The following CFAP77 variants were observed in gnomAD, a reference collection of about 807,000 sequenced individuals.
CFAP77 encodes cilia- and flagella-associated protein 77.
CFAP77 carries 25 observed loss-of-function variants against 31.1 expected under a neutral mutation model. The observed-to-expected ratio is 0.80, with a 90% CI of 0.59 to 1.12. The LOEUF is 1.12. Ranked by LOEUF, CFAP77 falls within the 50% of genes most tolerant of loss-of-function variation. The pLI, the probability that CFAP77 is intolerant of heterozygous loss-of-function variation, is 0.00. For synonymous variants in CFAP77, 151 were observed against 159.9 expected (o/e 0.94, Z 0.42); for missense variants, 377 against 397.3 (o/e 0.95, Z 0.44).
chr9:132,468,603 T>C (rs1397159208), intron 1 of CFAP77, among the ~76,000 whole-genome samples: 1 of 152,208 alleles, frequency 6.6e-6, no homozygotes, highest in African/African-American at 2.4e-5. Flanking sequence ...CCACAGCCCT[T>C]GCCCTGCATT....
At position 132,498,879 on chromosome 9, in the gene CFAP77, G is replaced by A. The variant is rs541772172; in HGVS notation, c.295+85G>A. On this transcript the variant is annotated intron_variant, in intron 2 of 5. Coordinates refer to ENST00000393216, the MANE Select transcript of CFAP77 (RefSeq NM_001282957.2). This position sits in a 1 kb window ranked among gnomAD's most constrained non-coding sequence, Gnocchi z 4.2. ...CACAGACCCCTTGACCTAGCTCGCT[G>A]CTTGGCAGCTGGTTGGGTGCTGGAG... 7.6e-5 allele frequency: 73 copies of A among 966,644 alleles called. No homozygotes were observed. In the East Asian group the frequency reaches 1.5e-3, roughly 20 times the overall value. The allele number at this position is 966,644 out of a possible 1,614,324, so 59.9% of individuals were successfully genotyped here. A position where few individuals can be genotyped will look rare whatever the true frequency, so the allele number is the denominator to read the frequency against.
chr9:132,451,135 A>C (rs1437714261), intron 1 of CFAP77, among the ~76,000 whole-genome samples: 1 of 152,048 alleles, frequency 6.6e-6, no homozygotes, highest in East Asian at 1.9e-4. Context: ...TCAGGAGTTC[A>C]AGACCAGCCT....
intron 4 of CFAP77, 32 bp from the exon 5 acceptor site, chr9:132,542,914 C>T (rs1852669750): frequency 1.9e-6 from 3 of 1,556,644 alleles, no homozygotes; most frequent in Non-Finnish European, 1.8e-6. Flanking sequence ...AGCCGGGCAA[C>T]CATCTCACCT....
At chr9:132,519,342 G>GAAT in intron 3 of CFAP77, among the ~76,000 whole-genome samples, 1 of 149,706 alleles carries the variant, frequency 6.7e-6, no homozygotes, top group African/African-American at 2.5e-5. Context: ...ATGGATGGGT[G>GAAT]GGTGGGCAAG....
intron 3 of CFAP77, among the ~76,000 whole-genome samples, chr9:132,529,734 G>A (rs531909038): frequency 2.0e-5 from 3 of 151,540 alleles, no homozygotes; most frequent in South Asian, 4.2e-4. Context: ...GCTGACACAG[G>A]AGAGTTGCTT....
intron 1 of CFAP77, among the ~76,000 whole-genome samples, chr9:132,457,332 T>A (rs1029726405): frequency 3.3e-5 from 5 of 152,200 alleles, no homozygotes; most frequent in Admixed American, 2.6e-4. Flanking sequence ...GGAGAAAGGA[T>A]TAAAATCGAG....
rs143955391 is a variant in CFAP77, at chr9:132,513,645, C to T, written c.524+14045C>T. Among the ~76,000 whole-genome samples the T allele has an allele frequency of 5.9e-5, 9 of 152,328 alleles. No individual in the cohort carries two copies. The East Asian group carries it at 1.5e-3, about 26-fold the overall frequency. On this transcript the variant is annotated intron_variant, in intron 3 of 5. Coordinates refer to ENST00000393216, the MANE Select transcript of CFAP77 (RefSeq NM_001282957.2). ...CATCACCCTGTCCCACTGTCTGAAT[C>T]GTCCGCCACAGGTGTACCCATCTCT...
intron 5 of CFAP77, 133 bp downstream of exon 5, chr9:132,543,180 CG>C: frequency 1.4e-6 from 1 of 695,572 alleles, no homozygotes; most frequent in East Asian, 2.7e-5. Context: ...CAGCAGCAAT[CG>C]CAACAGCTAA....
In CFAP77 at chr9:132,552,899, T is replaced by C. The variant is rs550345818; in HGVS notation, c.732+9852T>C. ...TTCATATGTTTGACATGAGGCATGATGGGGCTTTCAAAGGGAAATGTGCAG... is the reference window on the plus strand; with the variant it reads ...TTCATATGTTTGACATGAGGCATGACGGGGCTTTCAAAGGGAAATGTGCAG... On this transcript the variant is annotated intron_variant, in intron 5 of 5. Coordinates refer to ENST00000393216, the MANE Select transcript of CFAP77 (RefSeq NM_001282957.2). This position sits in a 1 kb window ranked among gnomAD's most constrained non-coding sequence, Gnocchi z 5.5. 9.2e-5 allele frequency among the ~76,000 whole-genome samples: 14 copies of C among 152,268 alleles called. No individual in the cohort carries two copies. The highest frequency in any genetic ancestry group is 8.3e-4 in the South Asian group (4 of 4,822).
At chr9:132,457,246 T>G (rs1850934086) in intron 1 of CFAP77, among the ~76,000 whole-genome samples, 1 of 127,334 alleles carries the variant, frequency 7.9e-6, no homozygotes, top group Non-Finnish European at 1.6e-5. Flanking sequence ...CTCCCACGCA[T>G]GCCCGCCACA....
intron 3 of CFAP77, among the ~76,000 whole-genome samples, chr9:132,533,468 C>CTCTTCCAGCTGCGTCCTGG (rs1852493325): frequency 6.8e-6 from 1 of 147,226 alleles, no homozygotes; most frequent in African/African-American, 2.7e-5. Context: ...GGGCTCTAGC[C>CTCTTCCAGCTGCGTCCTGG]GAGGACGCTT....
intron 3 of CFAP77, among the ~76,000 whole-genome samples, chr9:132,507,982 T>C (rs1367771483): frequency 6.6e-6 from 1 of 152,242 alleles, no homozygotes; most frequent in African/African-American, 2.4e-5. Context: ...AATACTCCTC[T>C]GCTGTATGTC....
intron 5 of CFAP77, among the ~76,000 whole-genome samples, chr9:132,560,971 C>T (rs1201418149): frequency 6.6e-6 from 1 of 152,124 alleles, no homozygotes; most frequent in East Asian, 1.9e-4. Flanking sequence ...TATTTTTGGA[C>T]CACAGAGAAA....
rs1851438861 is a variant in CFAP77, at chr9:132,481,103, T to C, written c.196-17592T>C. Among the ~76,000 whole-genome samples, 1 of 152,168 alleles carries C rather than the reference T, an allele frequency of 6.6e-6. No homozygotes were observed. The highest frequency in any genetic ancestry group is 2.4e-5 in the African/African-American group (1 of 41,436). ...TTTTAGCCATTTAGAGCCCACCTGC[T>C]TTGCACACCCACAAAGCCACACTCG... On this transcript the variant is annotated intron_variant, in intron 1 of 5. Coordinates refer to ENST00000393216, the MANE Select transcript of CFAP77 (RefSeq NM_001282957.2). This position sits in a 1 kb window ranked among gnomAD's most constrained non-coding sequence, Gnocchi z 5.0.
At chr9:132,571,765 G>A (rs1300654475) in intron 5 of CFAP77, among the ~76,000 whole-genome samples, 1 of 152,198 alleles carries the variant, frequency 6.6e-6, no homozygotes, top group Non-Finnish European at 1.5e-5. Flanking sequence ...TGGACACCAG[G>A]AGGCGAGGCG....
intron 1 of CFAP77, among the ~76,000 whole-genome samples, chr9:132,487,069 A>ACGGTC (rs1282416392): frequency 6.6e-6 from 1 of 152,232 alleles, no homozygotes; most frequent in Non-Finnish European, 1.5e-5. Context: ...GGGGCTCCCC[A>ACGGTC]CGGTCCGCGG....
At chr9:132,439,604 T>G (rs886181442) in intron 1 of CFAP77, among the ~76,000 whole-genome samples, 14 of 151,996 alleles carry the variant, frequency 9.2e-5, no homozygotes, top group African/African-American at 3.4e-4. Flanking sequence ...CCCAGCACTT[T>G]GGGAGGCCAA....
At position 132,490,011 on chromosome 9, in the gene CFAP77, CA is replaced by C. The variant is rs1242252823; in HGVS notation, c.196-8682del. Among the ~76,000 whole-genome samples, 2 of 152,148 alleles carry C rather than the reference CA, an allele frequency of 1.3e-5. No individual in the cohort carries two copies. The highest frequency in any genetic ancestry group is 4.8e-5 in the African/African-American group (2 of 41,440). ...GTTCTAGGGGCTGGGAGTTCCAGAT[CA>C]ATGCGCCGGTGGTTTCTGTGTCTGG... On this transcript the variant is annotated intron_variant, in intron 1 of 5. Coordinates refer to ENST00000393216, the MANE Select transcript of CFAP77 (RefSeq NM_001282957.2). This position sits in a 1 kb window ranked among gnomAD's most constrained non-coding sequence, Gnocchi z 4.6.
rs565156614 is a variant in CFAP77 at position 132,422,882 on chromosome 9, G to A, written c.195+12416G>A. Among the ~76,000 whole-genome samples, 2 of 152,338 alleles carry A rather than the reference G, an allele frequency of 1.3e-5. 1 individual carries two copies. Among genetic ancestry groups the A allele is most frequent in the South Asian group, 4.1e-4 (2 of 4,832 alleles). The stretch of plus-strand genomic sequence containing the variant: ...GGGATGGACATGTTAGTTGCATCCT[G>A]GTCCCCAACCAGGCTGGGCACAGAT... On this transcript the variant is annotated intron_variant, in intron 1 of 5. Transcript: ENST00000393216.
Sources: gnomAD v4.1 joint callset for allele counts (sites outside exome capture counted in the v4.1 genomes callset) on GRCh38, gnomAD v4.1.1 for gene constraint, Gnocchi (gnomAD v3.1) non-coding constraint, MANE v1.5 for transcripts, NCBI Gene and HGNC (gene_info 2026-07-23, HGNC 2026-07-21) for gene names.